The following TACR1 variants were observed in gnomAD, a reference collection of about 807,000 sequenced individuals.
TACR1 encodes tachykinin receptor 1.
In TACR1, 25 loss-of-function variants were observed where a neutral mutation model predicts 35.8. The ratio of observed to expected loss-of-function variants is 0.70; its 90% CI spans 0.51 to 0.98. TACR1 has a LOEUF of 0.98. Ranked by LOEUF, TACR1 falls within the 50% of genes least tolerant of loss-of-function variation. The probability of loss-of-function intolerance (pLI) is 0.00; values close to 1 mark genes in which losing one functional copy is unlikely to be tolerated. For synonymous variants in TACR1, 195 were observed against 206.7 expected, an observed-to-expected ratio of 0.94 and a Z score of 0.48; for missense variants, 478 against 522.9, an observed-to-expected ratio of 0.91 and a Z score of 0.84.
chr2:75,154,488 CCACA>C (rs71245356), intron 1 of TACR1: 5,650 of 53,434 alleles, frequency 0.11, 410 homozygotes, highest in Middle Eastern at 0.14. Context: ...CACTAACCCA[CCACA>C]CACACACACA....
intron 1 of TACR1, among the ~76,000 whole-genome samples, chr2:75,135,842 A>T (rs1216399396): frequency 6.6e-6 from 1 of 151,854 alleles, no homozygotes; most frequent in African/African-American, 2.4e-5. Flanking sequence ...TTGCAGGGGG[A>T]CCTTAAGACC....
intron 2 of TACR1, among the ~76,000 whole-genome samples, chr2:75,058,646 G>A (rs1452312541): frequency 6.6e-6 from 1 of 152,186 alleles, no homozygotes; most frequent in Non-Finnish European, 1.5e-5. Context: ...TGAGCTTATC[G>A]GAACTTTCAG....
chr2:75,166,141 G>T (rs1229027682), intron 1 of TACR1, among the ~76,000 whole-genome samples: 1 of 152,086 alleles, frequency 6.6e-6, no homozygotes, highest in African/African-American at 2.4e-5. Flanking sequence ...AAACAAAAAT[G>T]ATTTAATATT....
At position 75,048,258 on chromosome 2, in the gene TACR1, G is replaced by T. The variant is rs1234589564; in HGVS notation, c.*1174C>A. The T allele has an allele frequency of 6.6e-6, 1 of 152,212 alleles. No homozygotes were observed. Among genetic ancestry groups the T allele is most frequent in the African/African-American group, 2.4e-5 (1 of 41,460 alleles). 9.4% of individuals were successfully genotyped at this position (152,212 alleles called of 1,614,324 possible). A position where few individuals can be genotyped will look rare whatever the true frequency, so the allele number is the denominator to read the frequency against. ...GAGCACGATGCTAGTGTAAAACTAA[G>T]AATGAAGGTTAGGGCCCCCACCCTA... On this transcript the variant is annotated 3_prime_UTR_variant, in exon 5 of 5. Transcript: ENST00000305249.
intron 1 of TACR1, among the ~76,000 whole-genome samples, chr2:75,130,402 C>T (rs1248120487): frequency 6.6e-6 from 1 of 152,196 alleles, no homozygotes; most frequent in African/African-American, 2.4e-5. Context: ...CAGGAAGCCC[C>T]TAACAGTTTA....
chr2:75,118,332 A>G (rs1174580885), intron 2 of TACR1, among the ~76,000 whole-genome samples: 1 of 152,222 alleles, frequency 6.6e-6, no homozygotes, highest in African/African-American at 2.4e-5. Context: ...TACTATTTTG[A>G]TTTACTATTG....
intron 2 of TACR1, among the ~76,000 whole-genome samples, chr2:75,082,567 C>A (rs1426377342): frequency 6.6e-6 from 1 of 152,154 alleles, no homozygotes; most frequent in Non-Finnish European, 1.5e-5. Context: ...CCTATTTCTC[C>A]ACATCCTCTC....
At position 75,049,297 on chromosome 2, in the gene TACR1, C is replaced by G; in HGVS notation, c.*135G>C. 1.0e-6 allele frequency: 1 copy of G among 967,508 alleles called. No individual in the cohort carries two copies. Among genetic ancestry groups the G allele is most frequent in the Non-Finnish European group, 1.5e-6 (1 of 663,174 alleles). 59.9% of individuals were successfully genotyped at this position (967,508 alleles called of 1,614,324 possible). A position where few individuals can be genotyped will look rare whatever the true frequency, so the allele number is the denominator to read the frequency against. On this transcript the variant is annotated 3_prime_UTR_variant, in exon 5 of 5. Coordinates refer to ENST00000305249, the MANE Select transcript of TACR1 (RefSeq NM_001058.4). ...TTTGACTCAAGGATGGAATGTTTTC[C>G]CTAACCCATACTGACCCTTTTTGCA...
chr2:75,180,963 A>G (rs1006436253), intron 1 of TACR1, among the ~76,000 whole-genome samples: 1 of 152,194 alleles, frequency 6.6e-6, no homozygotes, highest in Non-Finnish European at 1.5e-5. Context: ...AACCTGCTCC[A>G]TGTTCCTGAT....
chr2:75,189,695 A>G (rs1418775236), intron 1 of TACR1: 1 of 152,198 alleles, frequency 6.6e-6, no homozygotes, highest in African/African-American at 2.4e-5. Flanking sequence ...CTAAATTTAG[A>G]AGTTTTGATT....
At chr2:75,168,503 G>A (rs1178504411) in intron 1 of TACR1, among the ~76,000 whole-genome samples, 1 of 152,198 alleles carries the variant, frequency 6.6e-6, no homozygotes, top group Admixed American at 6.5e-5. Flanking sequence ...GAGGAAGGGG[G>A]CAGTGAGCCA....
At chr2:75,117,620 G>T (rs190230707) in intron 2 of TACR1, among the ~76,000 whole-genome samples, 11 of 152,254 alleles carry the variant, frequency 7.2e-5, no homozygotes, top group African/African-American at 2.6e-4. Flanking sequence ...TTACAATAGG[G>T]TTAGATCCAG....
At chr2:75,169,910 C>G (rs572722716) in intron 1 of TACR1, among the ~76,000 whole-genome samples, 1 of 152,174 alleles carries the variant, frequency 6.6e-6, no homozygotes, top group Non-Finnish European at 1.5e-5. Flanking sequence ...AATTTTTCTT[C>G]TACATGACAA....
At chr2:75,162,043 C>CAAA (rs35438025) in intron 1 of TACR1, among the ~76,000 whole-genome samples, 9,678 of 93,880 alleles carry the variant, frequency 0.1, 546 homozygotes, top group African/African-American at 0.14. Context: ...TTGACTCTTC[C>CAAA]AAAAAAAAAA....
rs535333086 is a variant in TACR1 at position 75,046,843 on chromosome 2, C to T, written c.*2589G>A. The T allele has an allele frequency of 2.6e-5, 4 of 152,290 alleles. No individual in the cohort carries two copies. Among genetic ancestry groups the T allele is most frequent in the African/African-American group, 9.6e-5 (4 of 41,550 alleles). The allele number at this position is 152,290 out of a possible 1,614,324, so 9.4% of individuals were successfully genotyped here. Reference sequence around the variant, plus strand: ...TATCACAGTGACAGCAATGAGATCTCACATTTTGGAAGTCACGTAACAAAG... The same window carrying T: ...TATCACAGTGACAGCAATGAGATCTTACATTTTGGAAGTCACGTAACAAAG... On this transcript the variant is annotated 3_prime_UTR_variant, in exon 5 of 5. Coordinates refer to ENST00000305249, the MANE Select transcript of TACR1 (RefSeq NM_001058.4).
At chr2:75,147,746 C>CTTTTTT (rs36067244) in intron 1 of TACR1, among the ~76,000 whole-genome samples, 2 of 145,056 alleles carry the variant, frequency 1.4e-5, no homozygotes, top group Non-Finnish European at 1.5e-5. Context: ...GATCTCATTC[C>CTTTTTT]TTTTTTTTTT....
At chr2:75,076,386 A>G (rs1672980774) in intron 2 of TACR1, among the ~76,000 whole-genome samples, 1 of 152,238 alleles carries the variant, frequency 6.6e-6, no homozygotes, top group Non-Finnish European at 1.5e-5. Context: ...ACAGAAGCTT[A>G]TAAACCTTTT....
intron 1 of TACR1, among the ~76,000 whole-genome samples, chr2:75,180,837 C>G (rs934935091): frequency 6.6e-6 from 1 of 152,180 alleles, no homozygotes; most frequent in African/African-American, 2.4e-5. Context: ...TTGTTTGTTA[C>G]ACAACATTAT....
chr2:75,087,834 G>T (rs991244552), intron 2 of TACR1, among the ~76,000 whole-genome samples: 3 of 152,226 alleles, frequency 2.0e-5, no homozygotes, highest in Non-Finnish European at 4.4e-5. Flanking sequence ...TGTCACAGCT[G>T]TAGCAGGTTC....
Sources: gnomAD v4.1 joint callset for allele counts (sites outside exome capture counted in the v4.1 genomes callset) on GRCh38, gnomAD v4.1.1 for gene constraint, MANE v1.5 for transcripts, NCBI Gene and HGNC (gene_info 2026-07-23, HGNC 2026-07-21) for gene names.